CCDC171: variants seen among roughly 807,000 people sequenced by gnomAD.
The protein encoded by CCDC171 is coiled-coil domain containing 171.
In CCDC171, 177 loss-of-function variants were observed where a neutral mutation model predicts 168.2. The ratio of observed to expected loss-of-function variants is 1.05; its 90% CI spans 0.93 to 1.19. The LOEUF is 1.19. Among genes scored for constraint, CCDC171 ranks in the 50% most tolerant of loss-of-function variants. The pLI is 0.00. For synonymous variants in CCDC171, 687 were observed against 540.8 expected, an observed-to-expected ratio of 1.27 and a Z score of -3.75; for missense variants, 1,991 against 1,539.0, an observed-to-expected ratio of 1.29 and a Z score of -4.91.
intron 24 of CCDC171, among the ~76,000 whole-genome samples, chr9:15,881,125 G>A (rs567443712): frequency 5.9e-5 from 9 of 152,102 alleles, no homozygotes; most frequent in Non-Finnish European, 1.3e-4. Flanking sequence ...TTTTTCGGTT[G>A]TTGTTGACAG....
chr9:15,571,804 A>G (rs200691130), intron 3 of CCDC171, 45 bp downstream of exon 3: 82 of 1,510,210 alleles, frequency 5.4e-5, no homozygotes, highest in Non-Finnish European at 7.2e-5. Flanking sequence ...GTTGAGTTTG[A>G]TTTTTTAGAT....
chr9:15,780,905 G>A (rs1407727662), intron 20 of CCDC171, among the ~76,000 whole-genome samples: 1 of 152,008 alleles, frequency 6.6e-6, no homozygotes, highest in African/African-American at 2.4e-5. Flanking sequence ...ATAAAGAGAT[G>A]TTTATACTTT....
intron 21 of CCDC171, among the ~76,000 whole-genome samples, chr9:15,841,069 A>G (rs1310134895): frequency 6.6e-6 from 1 of 152,078 alleles, no homozygotes; most frequent in Non-Finnish European, 1.5e-5. Flanking sequence ...ATCATGAGGC[A>G]TTATACAACA....
intron 23 of CCDC171, among the ~76,000 whole-genome samples, chr9:15,862,926 T>A (rs2061620916): frequency 6.6e-6 from 1 of 152,042 alleles, no homozygotes; most frequent in South Asian, 2.1e-4. Flanking sequence ...TATGGCCCAA[T>A]TCTTTTCCTC....
At chr9:16,087,772 AT>A in the CCDC171 span, among the ~76,000 whole-genome samples, 1 of 151,902 alleles carries the variant, frequency 6.6e-6, no homozygotes, top group Non-Finnish European at 1.5e-5. Context: ...TTATGTATGG[AT>A]TTGATCCTGT....
At chr9:15,796,382 A>C (rs532343090) in intron 21 of CCDC171, among the ~76,000 whole-genome samples, 1 of 152,248 alleles carries the variant, frequency 6.6e-6, no homozygotes, top group Non-Finnish European at 1.5e-5. Context: ...GTAGAGTACC[A>C]TAAGCACCTA....
upstream of CCDC171, among the ~76,000 whole-genome samples, chr9:16,042,193 T>A (rs1410453): frequency 0.42 from 63,146 of 151,884 alleles, 14,355 homozygotes; most frequent in East Asian, 0.72. Context: ...GTGGGCGGGC[T>A]CCAGTGGATT....
intron 9 of CCDC171, among the ~76,000 whole-genome samples, chr9:15,676,891 G>A (rs559925366): frequency 1.3e-4 from 20 of 152,132 alleles, no homozygotes; most frequent in African/African-American, 4.8e-4. Context: ...ATCAAGTCTG[G>A]AATCTTTAGG....
chr9:15,568,554 G>A (rs1353974306), intron 2 of CCDC171, among the ~76,000 whole-genome samples: 3 of 152,208 alleles, frequency 2.0e-5, no homozygotes, highest in Non-Finnish European at 4.4e-5. Context: ...ACAGGCGTGA[G>A]CCACCGCACC....
At chr9:15,922,059 C>G in intron 25 of CCDC171, 1 of 228,786 alleles carries the variant, frequency 4.4e-6, no homozygotes, top group Non-Finnish European at 1.0e-5. Flanking sequence ...ACTTCACAAT[C>G]ATACCAAAAC....
chr9:15,886,755 T>TACATAC (rs1554666677), intron 24 of CCDC171: 5 of 146,654 alleles, frequency 3.4e-5, no homozygotes, highest in Non-Finnish European at 6.0e-5. Flanking sequence ...GAAATGTTTA[T>TACATAC]ACACACACAC....
the CCDC171 span, among the ~76,000 whole-genome samples, chr9:16,071,526 ATCT>A: frequency 5.6e-5 from 7 of 124,516 alleles, no homozygotes; most frequent in Non-Finnish European, 8.2e-5. Flanking sequence ...TTTTGCTTAG[ATCT>A]TCTTGCCTGT....
chr9:15,642,568 T>C (rs748602689), intron 7 of CCDC171, among the ~76,000 whole-genome samples: 3 of 151,720 alleles, frequency 2.0e-5, no homozygotes, highest in Non-Finnish European at 4.4e-5. Context: ...AATTAATTCA[T>C]TGGACTAGAA....
chr9:15,739,422 C>T (rs1564317500), intron 16 of CCDC171, among the ~76,000 whole-genome samples: 1 of 152,004 alleles, frequency 6.6e-6, no homozygotes, highest in Non-Finnish European at 1.5e-5. Flanking sequence ...AGGGGAGAAC[C>T]TTAGTTCAGT....
intron 18 of CCDC171, among the ~76,000 whole-genome samples, chr9:15,757,370 C>T (rs1384933314): frequency 2.0e-5 from 3 of 152,056 alleles, no homozygotes; most frequent in Non-Finnish European, 4.4e-5. Context: ...GTGTTTTGCC[C>T]CTGCCCTAGA....
At chr9:15,736,589 C>A (rs1311770560) in intron 16 of CCDC171, among the ~76,000 whole-genome samples, 1 of 152,088 alleles carries the variant, frequency 6.6e-6, no homozygotes, top group African/African-American at 2.4e-5. Context: ...TGGGCTCAAG[C>A]AGTACACCTG....
Position 15,727,883 on chromosome 9 carries a change from C to A in CCDC171, c.1707C>A (p.Phe569Leu). ...FHKDAEEKLT[F>L]LHTLYQHLVA... ...TTTTCCTGCAGGAGAAGCTAACCTTCCTTCACACCTTATATCAGCACTTGG... is the reference window on the plus strand; with the variant it reads ...TTTTCCTGCAGGAGAAGCTAACCTTACTTCACACCTTATATCAGCACTTGG... The change falls in exon 15 of 26, where the codon TTC (phenylalanine) becomes TTA (leucine). Residue 569 changes from phenylalanine to leucine, a missense_variant. Physicochemically the swap from Phe to Leu is conservative, Grantham distance 22. Coordinates refer to ENST00000380701, the MANE Select transcript of CCDC171 (RefSeq NM_173550.4). 1 of 1,607,062 alleles carries A rather than the reference C, an allele frequency of 6.2e-7. No homozygotes were observed. Among genetic ancestry groups the A allele is most frequent in the Non-Finnish European group, 8.5e-7 (1 of 1,177,420 alleles).
chr9:15,841,699 C>A (rs937057934), intron 21 of CCDC171, among the ~76,000 whole-genome samples: 15 of 151,930 alleles, frequency 9.9e-5, no homozygotes, highest in African/African-American at 3.6e-4. Context: ...ATACCAACAT[C>A]TTTTATTGTT....
chr9:15,710,715 C>T (rs988925213), intron 11 of CCDC171, among the ~76,000 whole-genome samples: 1 of 152,158 alleles, frequency 6.6e-6, no homozygotes, highest in South Asian at 2.1e-4. Context: ...CCTGCCTCAT[C>T]CTCCCGCGTA....
Sources: allele counts gnomAD v4.1 joint callset (sites outside exome capture counted in the v4.1 genomes callset), GRCh38; gene constraint gnomAD v4.1.1; transcripts MANE v1.5; gene names NCBI Gene and HGNC (gene_info 2026-07-23, HGNC 2026-07-21).